The following XKR6 variants were observed in gnomAD, a reference collection of about 807,000 sequenced individuals.
The protein encoded by XKR6 is XK related 6.
Under a neutral mutation model 56.7 loss-of-function variants are expected in XKR6, and 22 were observed. That is an observed-to-expected ratio of 0.39 (90% confidence interval 0.28 to 0.55). XKR6 has a LOEUF of 0.55. Among genes scored for constraint, XKR6 ranks in the 20% least tolerant of loss-of-function variants. XKR6 has a pLI of 0.66. For synonymous variants in XKR6, 524 were observed against 387.8 expected (o/e 1.35, Z -4.13); for missense variants, 852 against 889.0 (o/e 0.96, Z 0.53).
intron 1 of XKR6, among the ~76,000 whole-genome samples, chr8:11,160,717 G>A (rs1801755817): frequency 1.3e-5 from 2 of 152,002 alleles, no homozygotes; most frequent in Admixed American, 1.3e-4. Flanking sequence ...AGACCAGCCT[G>A]GCCAACAGGC....
chr8:11,086,148 A>ATT lies in XKR6; in HGVS notation c.764+114426_764+114427dup, dbSNP rs372566415. On this transcript the variant is annotated intron_variant, in intron 1 of 2. Transcript: ENST00000416569. Reference sequence around the variant, plus strand: ...TTAAAAAGAAAATATATATATATATATTTTTTTTTAAAAAAAACAAGCATA... The same window carrying ATT: ...TTAAAAAGAAAATATATATATATATATTTTTTTTTTTAAAAAAAACAAGCATA... Among the ~76,000 whole-genome samples the ATT allele has an allele frequency of 2.2e-3, 268 of 120,734 alleles. 2 individuals carry two copies. The highest frequency in any genetic ancestry group is 9.9e-3 in the African/African-American group (254 of 25,706). The allele number at this position is 120,734 out of a possible 152,430, so 79.2% of individuals were successfully genotyped here. A position where few individuals can be genotyped will look rare whatever the true frequency, so the allele number is the denominator to read the frequency against.
intron 1 of XKR6, among the ~76,000 whole-genome samples, chr8:11,107,263 G>T (rs115601140): frequency 5.2e-4 from 78 of 151,404 alleles, no homozygotes; most frequent in African/African-American, 1.8e-3. Context: ...GCAGTGGCAC[G>T]ATCACAGCTC....
chr8:11,180,085 G>C (rs1013380334), intron 1 of XKR6, among the ~76,000 whole-genome samples: 1 of 152,150 alleles, frequency 6.6e-6, no homozygotes, highest in African/African-American at 2.4e-5. Context: ...GTTGCAGTGA[G>C]CTATGATAAG....
chr8:11,006,113 C>T (rs1297927652), intron 1 of XKR6, among the ~76,000 whole-genome samples: 1 of 151,738 alleles, frequency 6.6e-6, no homozygotes, highest in African/African-American at 2.4e-5. Context: ...CAAAGTGCTG[C>T]GATTACAGGC....
intron 1 of XKR6, among the ~76,000 whole-genome samples, chr8:10,941,050 T>C (rs536361848): frequency 8.0e-4 from 121 of 152,200 alleles, no homozygotes; most frequent in Non-Finnish European, 1.4e-3. Context: ...GTGAGGGGGC[T>C]CCTCGATGAC....
At chr8:11,185,431 T>C (rs1803220630) in intron 1 of XKR6, among the ~76,000 whole-genome samples, 1 of 152,244 alleles carries the variant, frequency 6.6e-6, no homozygotes, top group Non-Finnish European at 1.5e-5. Context: ...TAGTTTCACT[T>C]CAAATTGCAG....
At chr8:11,146,469 A>G (rs910276746) in intron 1 of XKR6, among the ~76,000 whole-genome samples, 17 of 152,186 alleles carry the variant, frequency 1.1e-4, no homozygotes, top group African/African-American at 3.6e-4. Flanking sequence ...CTACAGAAAG[A>G]TTTTTAAAAA....
intron 1 of XKR6, among the ~76,000 whole-genome samples, chr8:10,983,177 A>C (rs1038699314): frequency 6.6e-6 from 1 of 152,220 alleles, no homozygotes; most frequent in Non-Finnish European, 1.5e-5. Context: ...TTAAAAATTA[A>C]TAAAATTAAA....
chr8:10,950,383 C>A (rs1406656858), intron 1 of XKR6, among the ~76,000 whole-genome samples: 1 of 152,204 alleles, frequency 6.6e-6, no homozygotes, highest in Non-Finnish European at 1.5e-5. Context: ...GCAGTGCACA[C>A]CCTCCCTGTG....
chr8:10,989,460 T>A (rs764296761), intron 1 of XKR6, among the ~76,000 whole-genome samples: 23 of 152,066 alleles, frequency 1.5e-4, no homozygotes, highest in Admixed American at 4.6e-4. Flanking sequence ...ACGTTTAATT[T>A]AAAAAAGCAA....
rs1403770454 is a variant in XKR6, at chr8:11,200,341, T to A, written c.764+235A>T. ...AGGTTGGGGCAAGAGCCCCGCCGAG[T>A]GCGAAGCGGGGACGAGGACGGGCCA... On this transcript the variant is annotated intron_variant, in intron 1 of 2. Coordinates refer to ENST00000416569, the MANE Select transcript of XKR6 (RefSeq NM_173683.4). The surrounding 1 kb of genome is among the most constrained non-coding windows in gnomAD (Gnocchi z 6.4). Among the ~76,000 whole-genome samples, 1 of 152,252 alleles carries A rather than the reference T, an allele frequency of 6.6e-6. No homozygotes were observed.
chr8:10,954,171 T>G (rs535642687), intron 1 of XKR6, among the ~76,000 whole-genome samples: 16 of 152,370 alleles, frequency 1.1e-4, no homozygotes, highest in African/African-American at 3.8e-4. Flanking sequence ...TTCTCTTGGG[T>G]ATATACATGG....
At chr8:11,136,529 C>T (rs887158541) in intron 1 of XKR6, among the ~76,000 whole-genome samples, 2 of 148,420 alleles carry the variant, frequency 1.3e-5, no homozygotes, top group East Asian at 3.9e-4. Context: ...AAAAGTCCTA[C>T]GTTGAAGCCC....
At chr8:10,995,034 TG>T (rs1285726769) in intron 1 of XKR6, among the ~76,000 whole-genome samples, 2 of 152,174 alleles carry the variant, frequency 1.3e-5, no homozygotes, top group African/African-American at 4.8e-5. Context: ...GGGGCCTCCT[TG>T]TACGAACAGC....
At chr8:10,913,844 G>C (rs1800479272) in intron 2 of XKR6, among the ~76,000 whole-genome samples, 1 of 152,230 alleles carries the variant, frequency 6.6e-6, no homozygotes. Context: ...AGGGTGACGG[G>C]TGTGGAAAAG....
chr8:11,026,812 T>C (rs1465240775), intron 1 of XKR6, among the ~76,000 whole-genome samples: 2 of 139,156 alleles, frequency 1.4e-5, no homozygotes, highest in Non-Finnish European at 3.1e-5. Context: ...TACTACACCC[T>C]TAGATGGTCT....
intron 1 of XKR6, among the ~76,000 whole-genome samples, chr8:11,006,531 G>A (rs1798372578): frequency 6.6e-6 from 1 of 152,170 alleles, no homozygotes; most frequent in Non-Finnish European, 1.5e-5. Context: ...CCACCAAGTG[G>A]AATAGAGTAA....
intron 1 of XKR6, among the ~76,000 whole-genome samples, chr8:10,939,988 G>C (rs1310534945): frequency 1.3e-5 from 2 of 152,218 alleles, no homozygotes; most frequent in Admixed American, 1.3e-4. Context: ...GTCAATCCTG[G>C]CTGCACCTGA....
intron 1 of XKR6, among the ~76,000 whole-genome samples, chr8:11,186,212 G>A (rs988709288): frequency 8.1e-6 from 1 of 123,788 alleles, no homozygotes; most frequent in African/African-American, 3.1e-5. Flanking sequence ...CTTTAATCTG[G>A]AAGGTACCTG....
Sources: allele counts gnomAD v4.1 joint callset (sites outside exome capture counted in the v4.1 genomes callset), GRCh38; gene constraint gnomAD v4.1.1; non-coding constraint Gnocchi (gnomAD v3.1); transcripts MANE v1.5; gene names NCBI Gene and HGNC (gene_info 2026-07-23, HGNC 2026-07-21).